GRHL2: variants seen among roughly 807,000 people sequenced by gnomAD.
GRHL2 encodes the protein grainyhead-like protein 2 homolog.
Under a neutral mutation model 83.8 loss-of-function variants are expected in GRHL2, and 21 were observed. The observed-to-expected ratio is 0.25, with a 90% CI of 0.18 to 0.36. The LOEUF is 0.36. GRHL2 is among the 10% of genes least tolerant of loss of function. GRHL2 has a pLI of 1.00. For missense variants in GRHL2, 623 were observed against 781.8 expected (o/e 0.80, Z 2.42); for synonymous variants, 280 against 278.9 (o/e 1.00, Z -0.04).
chr8:101,623,342 C>G (rs561475997), intron 9 of GRHL2, among the ~76,000 whole-genome samples: 1 of 152,222 alleles, frequency 6.6e-6, no homozygotes, highest in South Asian at 2.1e-4. Context: ...CAGTTTAGGA[C>G]AGTTCAGAGT....
chr8:101,670,958 C>G (rs985952916), downstream of GRHL2, among the ~76,000 whole-genome samples: 8 of 152,078 alleles, frequency 5.3e-5, no homozygotes, highest in African/African-American at 1.9e-4. Context: ...TTTGGGGACT[C>G]AGGAATTCTA....
At chr8:101,540,484 T>G (rs1287352475) in intron 1 of GRHL2, among the ~76,000 whole-genome samples, 1 of 152,192 alleles carries the variant, frequency 6.6e-6, no homozygotes, top group East Asian at 1.9e-4. Context: ...CAATGTTCTC[T>G]CTTTCCTTCC....
At chr8:101,534,633 G>A (rs1469286757) in intron 1 of GRHL2, among the ~76,000 whole-genome samples, 2 of 152,150 alleles carry the variant, frequency 1.3e-5, no homozygotes, top group Non-Finnish European at 2.9e-5. Context: ...CACAGAGACA[G>A]TGCAATAATC....
At chr8:101,586,130 A>G (rs1372902417) in intron 7 of GRHL2, among the ~76,000 whole-genome samples, 1 of 130,692 alleles carries the variant, frequency 7.7e-6, no homozygotes, top group Non-Finnish European at 1.5e-5. Flanking sequence ...GGGACTGCGG[A>G]CTGCAGTGGC....
chr8:101,637,013 G>A, intron 12 of GRHL2, 85 bp downstream of exon 12: 1 of 1,240,266 alleles, frequency 8.1e-7, no homozygotes, highest in Non-Finnish European at 1.2e-6. Context: ...GTAACCCTAG[G>A]CAGGAAGTGA....
chr8:101,532,901 G>A (rs895141692), intron 1 of GRHL2, among the ~76,000 whole-genome samples: 1 of 152,110 alleles, frequency 6.6e-6, no homozygotes, highest in African/African-American at 2.4e-5. Flanking sequence ...ATGAAATCCT[G>A]GAAATTATAT....
rs1331868993 is a variant in GRHL2 at position 101,608,356 on chromosome 8, TC to T, written c.1098+9206del. ...TAGTAGTAATATCTCCTTTATTATC[TC>T]TGACAAGGGAATAACCATTCCTGTG... On this transcript the variant is annotated intron_variant, in intron 8 of 15. Coordinates refer to ENST00000646743, the MANE Select transcript of GRHL2 (RefSeq NM_024915.4). Among the ~76,000 whole-genome samples, 825 of 152,294 alleles carry T rather than the reference TC, an allele frequency of 5.4e-3. 8 individuals carry two copies. The highest frequency in any genetic ancestry group is 0.018 in the African/African-American group (756 of 41,570).
chr8:101,532,610 C>T (rs1039595028), intron 1 of GRHL2, among the ~76,000 whole-genome samples: 3 of 151,984 alleles, frequency 2.0e-5, no homozygotes, highest in Admixed American at 6.6e-5. Flanking sequence ...ATTAGCTGGG[C>T]GTGGTGGCAT....
chr8:101,675,289 T>C, the GRHL2 span, among the ~76,000 whole-genome samples: 1 of 152,184 alleles, frequency 6.6e-6, no homozygotes, highest in Non-Finnish European at 1.5e-5. Flanking sequence ...GCAGATGACA[T>C]GATTGTATAT....
intron 7 of GRHL2, among the ~76,000 whole-genome samples, chr8:101,591,554 A>T (rs1812282041): frequency 6.6e-6 from 1 of 152,226 alleles, no homozygotes; most frequent in Non-Finnish European, 1.5e-5. Flanking sequence ...CTATGATCCC[A>T]ATATCTGCTG....
At chr8:101,543,478 G>T (rs751433224) in intron 2 of GRHL2, 42 bp downstream of exon 2, 1 of 1,571,402 alleles carries the variant, frequency 6.4e-7, no homozygotes, top group Admixed American at 1.7e-5. Flanking sequence ...CCTGCTCCAG[G>T]ACAACCCTTT....
intron 2 of GRHL2, among the ~76,000 whole-genome samples, chr8:101,552,304 G>A (rs1276467295): frequency 6.6e-6 from 1 of 152,146 alleles, no homozygotes; most frequent in Non-Finnish European, 1.5e-5. Context: ...GGGGAGGGTA[G>A]CTCCCTGTTC....
intron 1 of GRHL2, among the ~76,000 whole-genome samples, chr8:101,511,580 TGG>T (rs1363303169): frequency 6.6e-6 from 1 of 152,082 alleles, no homozygotes; most frequent in Non-Finnish European, 1.5e-5. Context: ...ACTCCTGACC[TGG>T]GGATCTGCCC....
intron 14 of GRHL2, among the ~76,000 whole-genome samples, chr8:101,661,530 TACG>T (rs1813921644): frequency 6.6e-6 from 1 of 152,252 alleles, no homozygotes; most frequent in Non-Finnish European, 1.5e-5. Context: ...TTACTTATAA[TACG>T]TAATACATTG....
intron 4 of GRHL2, among the ~76,000 whole-genome samples, chr8:101,560,210 A>G (rs1811580484): frequency 6.6e-6 from 1 of 151,070 alleles, no homozygotes; most frequent in African/African-American, 2.4e-5. Context: ...GTGTGTTTTT[A>G]GTAGAGACAG....
At chr8:101,596,074 T>C (rs1200659745) in intron 7 of GRHL2, among the ~76,000 whole-genome samples, 1 of 151,784 alleles carries the variant, frequency 6.6e-6, no homozygotes, top group Non-Finnish European at 1.5e-5. Flanking sequence ...GAGCTGAGAT[T>C]GCACCACTGC....
At position 101,628,863 on chromosome 8, in the gene GRHL2, A is replaced by T. The variant is rs116304010; in HGVS notation, c.1258-2774A>T. On this transcript the variant is annotated intron_variant, in intron 9 of 15. Coordinates refer to ENST00000646743, the MANE Select transcript of GRHL2 (RefSeq NM_024915.4). ...CTAGAACTAGAAGTGGAGCCTAAAGATGTGATTGAATTGCTGCAATCTCAT... is the reference window on the plus strand; with the variant it reads ...CTAGAACTAGAAGTGGAGCCTAAAGTTGTGATTGAATTGCTGCAATCTCAT... 4.2e-3 allele frequency among the ~76,000 whole-genome samples: 637 copies of T among 152,250 alleles called. 5 individuals carry two copies. Among genetic ancestry groups the T allele is most frequent in the African/African-American group, 0.014 (593 of 41,552 alleles).
chr8:101,672,017 C>T (rs980176827), downstream of GRHL2, among the ~76,000 whole-genome samples: 15 of 151,904 alleles, frequency 9.9e-5, no homozygotes, highest in African/African-American at 3.2e-4. Flanking sequence ...GGAAAACTAA[C>T]AAACAGAAAG....
At chr8:101,503,716 TA>T (rs1188770581) in intron 1 of GRHL2, among the ~76,000 whole-genome samples, 2 of 152,172 alleles carry the variant, frequency 1.3e-5, no homozygotes, top group African/African-American at 4.8e-5. Context: ...AATCATGGTT[TA>T]GTGAGATGAT....
Sources: allele counts gnomAD v4.1 joint callset (sites outside exome capture counted in the v4.1 genomes callset), GRCh38; gene constraint gnomAD v4.1.1; transcripts MANE v1.5; gene names NCBI Gene and HGNC (gene_info 2026-07-23, HGNC 2026-07-21).